Variants in CCSER1 observed in about 807,000 individuals in gnomAD.
CCSER1 encodes the protein serine-rich coiled-coil domain-containing protein 1.
Under a neutral mutation model 82.0 loss-of-function variants are expected in CCSER1, and 41 were observed. The ratio of observed to expected loss-of-function variants is 0.50; its 90% CI spans 0.39 to 0.65. The LOEUF is 0.65. Ranked by LOEUF, CCSER1 falls within the 30% of genes least tolerant of loss-of-function variation. The probability of loss-of-function intolerance (pLI) is 0.00; values close to 1 mark genes in which losing one functional copy is unlikely to be tolerated. For missense variants in CCSER1, 1,119 were observed against 1,064.2 expected, an observed-to-expected ratio of 1.05 and a Z score of -0.72; for synonymous variants, 414 against 383.9, an observed-to-expected ratio of 1.08 and a Z score of -0.92.
intron 5 of CCSER1, among the ~76,000 whole-genome samples, chr4:90,500,368 A>G (rs745798180): frequency 6.6e-6 from 1 of 151,674 alleles, no homozygotes; most frequent in Non-Finnish European, 1.5e-5. Context: ...GTTTTGCCCT[A>G]TCACCCACGC....
chr4:90,359,321 GTGTACT>G (rs1396535674), intron 3 of CCSER1, among the ~76,000 whole-genome samples: 2 of 152,202 alleles, frequency 1.3e-5, no homozygotes, highest in Non-Finnish European at 2.9e-5. Context: ...AGTTATAACT[GTGTACT>G]TTTGGAAACC....
intron 10 of CCSER1, among the ~76,000 whole-genome samples, chr4:91,557,759 T>G (rs1762471217): frequency 6.6e-6 from 1 of 151,372 alleles, no homozygotes; most frequent in African/African-American, 2.4e-5. Flanking sequence ...GAGTTGCAAG[T>G]AATATGGTGA....
At chr4:90,440,286 T>C (rs1208811771) in intron 4 of CCSER1, among the ~76,000 whole-genome samples, 2 of 152,222 alleles carry the variant, frequency 1.3e-5, no homozygotes, top group Non-Finnish European at 2.9e-5. Context: ...GTTACAGTTA[T>C]GAGCCACTGC....
intron 10 of CCSER1, among the ~76,000 whole-genome samples, chr4:91,259,447 C>CATATATAT (rs148329738): frequency 1.8e-3 from 272 of 150,208 alleles, no homozygotes; most frequent in African/African-American, 6.3e-3. Context: ...CCTTGGTAGT[C>CATATATAT]ATATATATAT....
intron 1 of CCSER1, among the ~76,000 whole-genome samples, chr4:90,261,336 T>G (rs921825852): frequency 2.2e-5 from 3 of 139,250 alleles, no homozygotes; most frequent in African/African-American, 9.7e-5. Context: ...GGAAAACACT[T>G]TATCTCTTCA....
chr4:91,444,505 A>G (rs1755425498), intron 10 of CCSER1, among the ~76,000 whole-genome samples: 2 of 151,834 alleles, frequency 1.3e-5, no homozygotes, highest in African/African-American at 2.4e-5. Context: ...GCTGGAGTGC[A>G]ATGGCACCAT....
chr4:91,053,391 C>T (rs954321558), intron 9 of CCSER1, among the ~76,000 whole-genome samples: 2 of 152,162 alleles, frequency 1.3e-5, no homozygotes, highest in African/African-American at 4.8e-5. Flanking sequence ...TTTTGTCAAG[C>T]TATGGTGGAA....
chr4:91,068,397 C>T (rs1173915362), intron 9 of CCSER1, among the ~76,000 whole-genome samples: 1 of 152,166 alleles, frequency 6.6e-6, no homozygotes, highest in Non-Finnish European at 1.5e-5. Context: ...TTCTGACTTA[C>T]AGTCTGAGAC....
intron 10 of CCSER1, among the ~76,000 whole-genome samples, chr4:91,131,325 TC>T (rs1250191471): frequency 7.6e-6 from 1 of 131,720 alleles, no homozygotes; most frequent in African/African-American, 2.9e-5. Context: ...AGAACAGTTC[TC>T]CCCTCTTTTT....
intron 10 of CCSER1, among the ~76,000 whole-genome samples, chr4:91,527,239 G>C (rs1015096451): frequency 2.0e-5 from 3 of 152,114 alleles, no homozygotes; most frequent in Non-Finnish European, 4.4e-5. Context: ...TCTATTGTAA[G>C]GGAAATATAT....
intron 7 of CCSER1, chr4:90,724,676 TAAG>T (rs774358928): frequency 5.4e-6 from 2 of 372,400 alleles, no homozygotes; most frequent in East Asian, 1.6e-4. Context: ...AAACAATTCT[TAAG>T]AGCCTGAGGA....
At chr4:90,719,722 A>G (rs1266055538) in intron 6 of CCSER1, among the ~76,000 whole-genome samples, 1 of 152,170 alleles carries the variant, frequency 6.6e-6, no homozygotes, top group Non-Finnish European at 1.5e-5. Context: ...CTCTCTTCAC[A>G]TTATACAACG....
chr4:91,067,135 G>A (rs1465991280), intron 9 of CCSER1, among the ~76,000 whole-genome samples: 1 of 151,622 alleles, frequency 6.6e-6, no homozygotes, highest in African/African-American at 2.4e-5. Context: ...CTGCACTACA[G>A]CCTGGGCGAC....
chr4:90,224,944 G>A (rs995855937), intron 1 of CCSER1, among the ~76,000 whole-genome samples: 2 of 152,000 alleles, frequency 1.3e-5, no homozygotes, highest in African/African-American at 4.8e-5. Context: ...TTAGTGTGCA[G>A]GCCCTTATCC....
intron 6 of CCSER1, among the ~76,000 whole-genome samples, chr4:90,657,972 G>A (rs1486884994): frequency 2.6e-5 from 4 of 152,054 alleles, no homozygotes; most frequent in African/African-American, 9.7e-5. Flanking sequence ...GCATGGTGGT[G>A]CATACTTGTA....
At chr4:90,538,057 A>G (rs1380490121) in intron 5 of CCSER1, among the ~76,000 whole-genome samples, 1 of 152,116 alleles carries the variant, frequency 6.6e-6, no homozygotes, top group African/African-American at 2.4e-5. Context: ...GTGCTTACTT[A>G]GAAATTTCTT....
chr4:91,501,325 C>T (rs1249246854), intron 10 of CCSER1, among the ~76,000 whole-genome samples: 2 of 151,780 alleles, frequency 1.3e-5, no homozygotes, highest in East Asian at 3.9e-4. Context: ...CAACATTAAT[C>T]TTATTTTTTC....
intron 2 of CCSER1, among the ~76,000 whole-genome samples, chr4:90,311,868 G>A (rs1735342934): frequency 6.6e-6 from 1 of 152,192 alleles, no homozygotes; most frequent in East Asian, 1.9e-4. Context: ...AATATTTATT[G>A]TTTTAACACT....
intron 5 of CCSER1, among the ~76,000 whole-genome samples, chr4:90,592,024 G>A (rs545697135): frequency 1.3e-5 from 2 of 151,990 alleles, no homozygotes; most frequent in Non-Finnish European, 2.9e-5. Context: ...TTACACACGG[G>A]GGTCTGTCGC....
Sources: gnomAD v4.1 joint callset for allele counts (sites outside exome capture counted in the v4.1 genomes callset) on GRCh38, gnomAD v4.1.1 for gene constraint, MANE v1.5 for transcripts, NCBI Gene and HGNC (gene_info 2026-07-23, HGNC 2026-07-21) for gene names.